The following SACS variants were observed in gnomAD, a reference collection of about 807,000 sequenced individuals.
The protein encoded by SACS is sacsin molecular chaperone.
A neutral mutation model predicts 348.0 loss-of-function variants in SACS; 197 were observed. That is an observed-to-expected ratio of 0.57 (90% CI 0.50 to 0.64). The LOEUF is 0.64. Ranked by LOEUF, SACS falls within the 30% of genes least tolerant of loss-of-function variation. The pLI is 0.00. For synonymous variants in SACS, 1,985 were observed against 1,910.6 expected (o/e 1.04, Z -1.02); for missense variants, 4,999 against 5,360.8 (o/e 0.93, Z 2.11).
intron 9 of SACS, among the ~76,000 whole-genome samples, chr13:23,341,935 C>T (rs551812862): frequency 3.3e-5 from 5 of 151,812 alleles, no homozygotes; most frequent in South Asian, 2.1e-4. Context: ...TACAAGGGCC[C>T]GCCACCACAC....
At position 23,340,155 on chromosome 13, in the gene SACS, T is replaced by G; in HGVS notation, c.3721A>C (p.Ser1241Arg). The G allele has an allele frequency of 6.2e-7, 1 of 1,613,254 alleles. No homozygotes were observed. Among genetic ancestry groups the G allele is most frequent in the Non-Finnish European group, 8.5e-7 (1 of 1,179,420 alleles). ...TGGAATTGATAGTAGTCTTCATCAC[T>G]AAAGGTTTTTGAAGAATACCAATCA... ...VVDWYSSKTF[S>R]DEDYYQFQHI... is the part of the protein sequence containing the mutation. Residue 1241 changes from serine to arginine, a missense_variant, in exon 10 of 10, where the codon AGT (serine) becomes CGT (arginine). Coordinates refer to ENST00000382292, the MANE Select transcript of SACS (RefSeq NM_014363.6).
chr13:23,432,651 G>A (rs1173733519), intron 1 of SACS, among the ~76,000 whole-genome samples: 2 of 151,986 alleles, frequency 1.3e-5, no homozygotes, highest in African/African-American at 4.8e-5. Flanking sequence ...CAAATAAAAT[G>A]GGATTGTCAA....
chr13:23,363,287 G>T (rs1477256833), intron 6 of SACS, among the ~76,000 whole-genome samples: 1 of 151,252 alleles, frequency 6.6e-6, no homozygotes, highest in Non-Finnish European at 1.5e-5. Context: ...GACTGCAATA[G>T]TGGGGTCTTG....
Position 23,375,156 on chromosome 13 carries a change from G to A in SACS, c.134C>T (p.Pro45Leu), listed in dbSNP as rs1033188876. The A allele has an allele frequency of 8.2e-5, 124 of 1,504,250 alleles. No homozygotes were observed. The highest frequency in any genetic ancestry group is 1.1e-4 in the Non-Finnish European group (120 of 1,126,962). The allele number at this position is 1,504,250 out of a possible 1,614,324, so 93.2% of individuals were successfully genotyped here. ...GCGCCACAGCCGCTGCTCCGACACCGGGAAGCCAGTCTCCGCGAAGATACG... is the reference window on the plus strand; with the variant it reads ...GCGCCACAGCCGCTGCTCCGACACCAGGAAGCCAGTCTCCGCGAAGATACG... ...KERIFAETGF[P>L]VSEQRLWRGG... The change falls in exon 3 of 10, where the codon CCG becomes CTG. Residue 45 changes from proline (P) to leucine (L), a missense_variant. Physicochemically the swap from Pro to Leu is moderately conservative, Grantham distance 98. This residue lies in a region of SACS where 3,156 missense variants were observed against 3,380.1 expected (regional missense o/e 0.93). Transcript: ENST00000382292.
At chr13:23,385,821 A>T (rs1476598555) in intron 2 of SACS, among the ~76,000 whole-genome samples, 1 of 152,220 alleles carries the variant, frequency 6.6e-6, no homozygotes, top group Non-Finnish European at 1.5e-5. Context: ...TTATTCCTTG[A>T]TCTGTGGGCT....
chr13:23,420,499 TC>T (rs1873887777), intron 1 of SACS, among the ~76,000 whole-genome samples: 1 of 152,142 alleles, frequency 6.6e-6, no homozygotes, highest in African/African-American at 2.4e-5. Context: ...GGGACTAAAG[TC>T]TACCTAGAAT....
intron 2 of SACS, among the ~76,000 whole-genome samples, chr13:23,389,082 A>G (rs1872423571): frequency 6.6e-6 from 1 of 152,108 alleles, no homozygotes; most frequent in South Asian, 2.1e-4. Context: ...TTAAATGGAA[A>G]CTTGTATGTG....
At chr13:23,341,730 TCTA>T (rs1223477786) in intron 9 of SACS, 40 bp from the exon 10 acceptor site, 1 of 1,532,542 alleles carries the variant, frequency 6.5e-7, no homozygotes, top group Admixed American at 1.7e-5. Context: ...TACATATAAT[TCTA>T]CTACAACAGC....
chr13:23,347,926 C>G (rs1021689856), intron 9 of SACS, among the ~76,000 whole-genome samples: 2 of 152,192 alleles, frequency 1.3e-5, no homozygotes, highest in Admixed American at 6.5e-5. Context: ...ATCTTCATAA[C>G]ACCCAGAAAA....
chr13:23,371,239 A>C, intron 3 of SACS, 74 bp from the exon 4 acceptor site: 1 of 866,764 alleles, frequency 1.2e-6, no homozygotes, highest in Non-Finnish European at 1.7e-6. Context: ...CATTATCTCA[A>C]ATTTTTTCAC....
At chr13:23,371,022 C>A in intron 4 of SACS, 56 bp downstream of exon 4, 1 of 1,186,806 alleles carries the variant, frequency 8.4e-7, no homozygotes, top group Non-Finnish European at 1.2e-6. Context: ...AACAAAAAAA[C>A]TCAATCTTTG....
intron 1 of SACS, among the ~76,000 whole-genome samples, chr13:23,421,699 A>G (rs192050672): frequency 1.2e-3 from 181 of 150,702 alleles, no homozygotes; most frequent in Non-Finnish European, 1.5e-3. Flanking sequence ...TGATGTCCAC[A>G]TGGGAACTGG....
Position 23,333,975 on chromosome 13 carries a change from G to GAACATCTCCTTCAGGAACCAC in SACS, c.9880_9900dup (p.Val3294_Val3300dup). The GAACATCTCCTTCAGGAACCAC allele has an allele frequency of 6.2e-7, 1 of 1,613,866 alleles. No homozygotes were observed. Among genetic ancestry groups the GAACATCTCCTTCAGGAACCAC allele is most frequent in the South Asian group, 1.1e-5 (1 of 91,062 alleles). ...ATGTGCATAAGGCTGAGAGGAAGCA[G>GAACATCTCCTTCAGGAACCAC]AACATCTCCTTCAGGAACCACAAGC... On this transcript the variant is annotated inframe_insertion, in exon 10 of 10. Coordinates refer to ENST00000382292, the MANE Select transcript of SACS (RefSeq NM_014363.6).
intron 2 of SACS, among the ~76,000 whole-genome samples, chr13:23,390,403 T>A (rs1872484668): frequency 6.6e-6 from 1 of 152,204 alleles, no homozygotes; most frequent in Non-Finnish European, 1.5e-5. Context: ...CTCACACTTG[T>A]AATCCCAGCA....
intron 6 of SACS, among the ~76,000 whole-genome samples, chr13:23,362,927 G>C (rs950214069): frequency 6.6e-6 from 1 of 150,732 alleles, no homozygotes; most frequent in African/African-American, 2.4e-5. Context: ...ATTTATTTTT[G>C]AGACAGAGTT....
chr13:23,333,997 A>G lies in SACS; in HGVS notation c.9879T>C (p.Leu3293=). 1.2e-6 allele frequency: 2 copies of G among 1,613,890 alleles called. No individual in the cohort carries two copies. Among genetic ancestry groups the G allele is most frequent in the Non-Finnish European group, 1.7e-6 (2 of 1,179,856 alleles). ...GCAGAACATCTCCTTCAGGAACCAC[A>G]AGCTGGTTGGCTGAAACAGTAAACT... ...GTKFTVSANQ[L]VVPEGDVLLP... Residue 3293 remains leucine, a synonymous_variant, in exon 10 of 10, where the codon CTT becomes CTC. Coordinates refer to ENST00000382292, the MANE Select transcript of SACS (RefSeq NM_014363.6).
chr13:23,377,364 C>A lies in SACS; in HGVS notation c.21-2095G>T, dbSNP rs530310572. Among the ~76,000 whole-genome samples, 127 of 152,210 alleles carry A rather than the reference C, an allele frequency of 8.3e-4. 1 individual carries two copies. In the South Asian group the frequency reaches 0.025, roughly 30 times the overall value. ...CCTGGACCACCTCTGGGAACAAAAC[C>A]ATTTGAATGAAAACATGGAATGAAA... On this transcript the variant is annotated intron_variant, in intron 2 of 9. Transcript: ENST00000382292.
intron 2 of SACS, among the ~76,000 whole-genome samples, chr13:23,402,539 C>T (rs1042382740): frequency 6.6e-6 from 1 of 152,318 alleles, no homozygotes. Context: ...GGAATCTGTT[C>T]CCCTTGTAAC....
At chr13:23,349,209 C>G (rs934102355) in intron 9 of SACS, among the ~76,000 whole-genome samples, 36 of 152,058 alleles carry the variant, frequency 2.4e-4, no homozygotes, top group African/African-American at 8.2e-4. Context: ...AATTAGAGGA[C>G]CTGTAATAGG....
Sources: gnomAD v4.1 joint callset for allele counts (sites outside exome capture counted in the v4.1 genomes callset) on GRCh38, gnomAD v4.1.1 for gene constraint, gnomAD v4.1.1 regional missense constraint, MANE v1.5 for transcripts, NCBI Gene and HGNC (gene_info 2026-07-23, HGNC 2026-07-21) for gene names.